Variants in ADGRB3 observed in about 807,000 individuals in gnomAD.
ADGRB3 encodes adhesion G protein-coupled receptor B3, also known as brain-specific angiogenesis inhibitor 3.
A neutral mutation model predicts 193.4 loss-of-function variants in ADGRB3; 37 were observed. That is an observed-to-expected ratio of 0.19 (90% CI 0.15 to 0.25). The LOEUF is 0.25. Ranked by LOEUF, ADGRB3 falls within the 10% of genes least tolerant of loss-of-function variation. The pLI is 1.00. For missense variants in ADGRB3, 1,637 were observed against 1,852.9 expected, an observed-to-expected ratio of 0.88 and a Z score of 2.14; for synonymous variants, 690 against 644.2, an observed-to-expected ratio of 1.07 and a Z score of -1.08.
At chr6:69,348,292 C>T (rs987333072) in intron 26 of ADGRB3, among the ~76,000 whole-genome samples, 2 of 152,044 alleles carry the variant, frequency 1.3e-5, no homozygotes, top group Non-Finnish European at 2.9e-5. Context: ...CTGCAGGATC[C>T]TCACACTGCC....
chr6:69,129,594 A>T (rs1773950247), intron 17 of ADGRB3, among the ~76,000 whole-genome samples: 1 of 152,128 alleles, frequency 6.6e-6, no homozygotes, highest in Admixed American at 6.6e-5. Flanking sequence ...TGAAAATATA[A>T]AATTAAAACG....
At chr6:68,649,503 T>G (rs1768295376) in intron 3 of ADGRB3, among the ~76,000 whole-genome samples, 1 of 152,174 alleles carries the variant, frequency 6.6e-6, no homozygotes, top group Non-Finnish European at 1.5e-5. Context: ...AAAGCTTTCA[T>G]TCATTAGATT....
At chr6:69,119,118 A>G (rs528314136) in intron 17 of ADGRB3, among the ~76,000 whole-genome samples, 183 of 152,358 alleles carry the variant, frequency 1.2e-3, no homozygotes, top group Non-Finnish European at 7.2e-4. Context: ...ACTGTCATGG[A>G]AAACCTCTGA....
At chr6:69,156,377 T>C (rs1774840645) in intron 17 of ADGRB3, among the ~76,000 whole-genome samples, 1 of 152,170 alleles carries the variant, frequency 6.6e-6, no homozygotes, top group Non-Finnish European at 1.5e-5. Context: ...GATATCTGAA[T>C]GATGAGAAGG....
At chr6:68,878,111 CTTTT>C (rs1765639886) in intron 3 of ADGRB3, among the ~76,000 whole-genome samples, 1 of 151,924 alleles carries the variant, frequency 6.6e-6, no homozygotes, top group Admixed American at 6.6e-5. Flanking sequence ...AAATTACTTT[CTTTT>C]ATTTTTCTCT....
chr6:68,749,408 ATGTGTGTGTGTGTGTGTGTGTGTG>A (rs60078030), intron 3 of ADGRB3, among the ~76,000 whole-genome samples: 1 of 136,490 alleles, frequency 7.3e-6, no homozygotes, highest in Admixed American at 7.5e-5. Context: ...ATATATATAT[ATGTGTGTGTGTGTGTGTGTGTGTG>A]TGTGTGTGTG....
intron 11 of ADGRB3, among the ~76,000 whole-genome samples, chr6:69,003,035 C>T (rs1253819546): frequency 1.3e-5 from 2 of 152,162 alleles, no homozygotes; most frequent in Non-Finnish European, 2.9e-5. Flanking sequence ...GTTATTCAAC[C>T]ACTCTATGCC....
chr6:68,910,708 A>G (rs1200450558), intron 3 of ADGRB3, among the ~76,000 whole-genome samples: 2 of 152,174 alleles, frequency 1.3e-5, no homozygotes, highest in Non-Finnish European at 1.5e-5. Context: ...CAAAGATCAG[A>G]TAGTTGTAGA....
chr6:68,989,631 A>T (rs1769175957), intron 10 of ADGRB3, among the ~76,000 whole-genome samples: 1 of 152,182 alleles, frequency 6.6e-6, no homozygotes, highest in African/African-American at 2.4e-5. Context: ...CTTTTTACAG[A>T]TAAATGAAAT....
At chr6:68,880,725 A>G (rs1487883251) in intron 3 of ADGRB3, among the ~76,000 whole-genome samples, 1 of 152,202 alleles carries the variant, frequency 6.6e-6, no homozygotes, top group East Asian at 1.9e-4. Flanking sequence ...TTTTCCACAG[A>G]GCATCTCCAG....
At chr6:69,356,493 G>GGA (rs1263890685) in intron 28 of ADGRB3, among the ~76,000 whole-genome samples, 3 of 151,648 alleles carry the variant, frequency 2.0e-5, no homozygotes, top group Non-Finnish European at 4.4e-5. Context: ...GGAGGAAGAA[G>GGA]GAGAGAGAGA....
chr6:69,264,327 G>T (rs1020591716), intron 20 of ADGRB3, among the ~76,000 whole-genome samples: 2 of 151,816 alleles, frequency 1.3e-5, no homozygotes, highest in East Asian at 3.9e-4. Flanking sequence ...TTGCTTTCAC[G>T]TGCTAAAAAA....
At chr6:68,734,555 A>T (rs938489332) in intron 3 of ADGRB3, among the ~76,000 whole-genome samples, 2 of 151,946 alleles carry the variant, frequency 1.3e-5, no homozygotes, top group Non-Finnish European at 2.9e-5. Flanking sequence ...TTTAAATTTT[A>T]CCCAGGGTGA....
chr6:68,969,948 T>A (rs1029147243), intron 8 of ADGRB3, among the ~76,000 whole-genome samples: 1 of 152,210 alleles, frequency 6.6e-6, no homozygotes, highest in Non-Finnish European at 1.5e-5. Flanking sequence ...TAGGCTCTAA[T>A]CATGGCCTCT....
chr6:68,777,594 C>T (rs1213841363), intron 3 of ADGRB3, among the ~76,000 whole-genome samples: 1 of 146,648 alleles, frequency 6.8e-6, no homozygotes, highest in Non-Finnish European at 1.5e-5. Flanking sequence ...TAAATATGCC[C>T]TTCTTTAGTA....
intron 3 of ADGRB3, among the ~76,000 whole-genome samples, chr6:68,681,410 G>A (rs1469080503): frequency 6.6e-6 from 1 of 152,090 alleles, no homozygotes; most frequent in African/African-American, 2.4e-5. Context: ...CCCCCATGCA[G>A]CTAGGACTAC....
intron 13 of ADGRB3, among the ~76,000 whole-genome samples, chr6:69,029,976 G>GCACC (rs1554247944): frequency 3.4e-5 from 5 of 145,198 alleles, no homozygotes; most frequent in Non-Finnish European, 7.5e-5. Context: ...TATATAGAAT[G>GCACC]CACACACACA....
At chr6:69,024,902 C>G (rs1244808479) in intron 13 of ADGRB3, among the ~76,000 whole-genome samples, 1 of 152,004 alleles carries the variant, frequency 6.6e-6, no homozygotes, top group Non-Finnish European at 1.5e-5. Flanking sequence ...ACCATCCTGG[C>G]TAACATGGCG....
intron 3 of ADGRB3, among the ~76,000 whole-genome samples, chr6:68,895,718 A>C (rs1444589228): frequency 1.3e-5 from 2 of 151,994 alleles, no homozygotes; most frequent in Non-Finnish European, 2.9e-5. Context: ...TAAAGTACAG[A>C]ATGTTAAGAC....
Sources: allele counts gnomAD v4.1 joint callset (sites outside exome capture counted in the v4.1 genomes callset), GRCh38; gene constraint gnomAD v4.1.1; transcripts MANE v1.5; gene names NCBI Gene and HGNC (gene_info 2026-07-23, HGNC 2026-07-21).